KATNA1: variants seen among roughly 807,000 people sequenced by gnomAD.
KATNA1 encodes the protein katanin p60 ATPase-containing subunit A1.
Under a neutral mutation model 62.6 loss-of-function variants are expected in KATNA1, and 42 were observed. The ratio of observed to expected loss-of-function variants is 0.67; its 90% confidence interval spans 0.52 to 0.87. The LOEUF (loss-of-function observed/expected upper bound fraction) is 0.87. Among genes scored for constraint, KATNA1 ranks in the 40% least tolerant of loss-of-function variants. KATNA1 has a pLI of 0.00. For synonymous variants in KATNA1, 186 were observed against 201.9 expected (o/e 0.92, Z 0.67); for missense variants, 498 against 612.5 (o/e 0.81, Z 1.97).
intron 1 of KATNA1, among the ~76,000 whole-genome samples, chr6:149,644,669 A>T (rs1582816942): frequency 6.6e-6 from 1 of 152,112 alleles, no homozygotes; most frequent in Non-Finnish European, 1.5e-5. Flanking sequence ...TTAAGTTGTT[A>T]CTTATATATA....
At chr6:149,640,220 T>TAC (rs1780227695) in intron 1 of KATNA1, among the ~76,000 whole-genome samples, 2 of 152,158 alleles carry the variant, frequency 1.3e-5, no homozygotes, top group Admixed American at 1.3e-4. Flanking sequence ...TTTCTATATA[T>TAC]GAGAACCTAA....
In KATNA1 at chr6:149,603,373, C is replaced by T. The variant is rs1778622670; in HGVS notation, c.624G>A (p.Trp208Ter). The T allele has an allele frequency of 2.0e-6, 3 of 1,484,426 alleles. No homozygotes were observed. Among genetic ancestry groups the T allele is most frequent in the East Asian group, 4.6e-5 (2 of 43,744 alleles). The allele number at this position is 1,484,426 out of a possible 1,614,324, so 92.0% of individuals were successfully genotyped here. Residue 208 changes from tryptophan (W) to a stop codon, truncating the protein, a stop_gained and splice_region_variant, in exon 6 of 11, where the codon TGG becomes TGA. Coordinates refer to ENST00000367411, the MANE Select transcript of KATNA1 (RefSeq NM_007044.4). LOFTEE classifies it high-confidence loss of function. ...DIISQNPNVR[W>*]DDIADLVEAK... ...CTTCTACTAAATCAGCGATATCATCCCTGAAAGAGAAGACATTTTATTAAC... is the reference window on the plus strand; with the variant it reads ...CTTCTACTAAATCAGCGATATCATCTCTGAAAGAGAAGACATTTTATTAAC...
intron 7 of KATNA1, among the ~76,000 whole-genome samples, chr6:149,600,278 G>A (rs957254562): frequency 9.3e-5 from 14 of 150,902 alleles, no homozygotes; most frequent in African/African-American, 3.4e-4. Context: ...TAGGCAAGAG[G>A]AGTGTTAGGC....
At chr6:149,613,562 G>C (rs953303354) in intron 4 of KATNA1, among the ~76,000 whole-genome samples, 1 of 152,262 alleles carries the variant, frequency 6.6e-6, no homozygotes, top group African/African-American at 2.4e-5. Flanking sequence ...TATTGGGACA[G>C]GATCGTGGAA....
chr6:149,609,258 T>G (rs1218274491), intron 4 of KATNA1, among the ~76,000 whole-genome samples: 1 of 151,792 alleles, frequency 6.6e-6, no homozygotes, highest in East Asian at 1.9e-4. Flanking sequence ...CAGAAAAAAT[T>G]GAAAGCAATG....
chr6:149,632,381 A>AAG lies in KATNA1; in HGVS notation c.320+377_320+378insCT, dbSNP rs1345600029. On this transcript the variant is annotated intron_variant, in intron 3 of 10. Coordinates refer to ENST00000367411, the MANE Select transcript of KATNA1 (RefSeq NM_007044.4). ...AGAGTGAGACTCTGTCTAAAAAAAAAAAAAAGAAAAAAAAGAAAAATCTGA... is the reference window on the plus strand; with the variant it reads ...AGAGTGAGACTCTGTCTAAAAAAAAAAGAAAAAGAAAAAAAAGAAAAATCTGA... Among the ~76,000 whole-genome samples the AAG allele has an allele frequency of 2.2e-4, 33 of 151,806 alleles. No individual in the cohort carries two copies. In the East Asian group the frequency reaches 6.4e-3, roughly 30 times the overall value.
chr6:149,634,457 A>T (rs928111814), intron 2 of KATNA1, among the ~76,000 whole-genome samples: 4 of 151,720 alleles, frequency 2.6e-5, no homozygotes, highest in African/African-American at 9.7e-5. Flanking sequence ...CCCAAGGGGG[A>T]AAAAAAACCA....
intron 1 of KATNA1, among the ~76,000 whole-genome samples, chr6:149,642,445 T>C (rs1052596829): frequency 9.9e-5 from 15 of 152,274 alleles, no homozygotes; most frequent in African/African-American, 3.1e-4. Flanking sequence ...TGTGTAAATC[T>C]TCCAGAGAAA....
At chr6:149,645,171 G>A (rs957778257) in intron 1 of KATNA1, among the ~76,000 whole-genome samples, 3 of 152,268 alleles carry the variant, frequency 2.0e-5, no homozygotes, top group Non-Finnish European at 4.4e-5. Flanking sequence ...AGCTGGCCGC[G>A]CGCAGTGGCT....
intron 4 of KATNA1, among the ~76,000 whole-genome samples, chr6:149,618,484 A>T (rs1445976881): frequency 2.0e-5 from 3 of 152,140 alleles, no homozygotes; most frequent in Non-Finnish European, 2.9e-5. Context: ...TCTCAAAAAA[A>T]AAATAAAAAA....
intron 4 of KATNA1, among the ~76,000 whole-genome samples, chr6:149,613,496 C>A (rs1046195569): frequency 2.0e-5 from 3 of 152,040 alleles, no homozygotes; most frequent in African/African-American, 7.2e-5. Flanking sequence ...CTAGAATGAA[C>A]AATTCTAGCA....
intron 4 of KATNA1, among the ~76,000 whole-genome samples, chr6:149,608,491 C>G (rs939582173): frequency 6.6e-6 from 1 of 152,136 alleles, no homozygotes; most frequent in Non-Finnish European, 1.5e-5. Context: ...CAGTAACACT[C>G]TACTCCAGTC....
At chr6:149,623,348 G>T in intron 3 of KATNA1, 65 bp from the exon 4 acceptor site, 1 of 1,203,352 alleles carries the variant, frequency 8.3e-7, no homozygotes, top group Non-Finnish European at 1.1e-6. Context: ...CACATACTGT[G>T]TAAGTTAAGA....
intron 2 of KATNA1, among the ~76,000 whole-genome samples, chr6:149,634,892 A>T (rs943217073): frequency 2.0e-5 from 3 of 152,114 alleles, no homozygotes; most frequent in African/African-American, 7.2e-5. Flanking sequence ...CCTACAGACT[A>T]AAATAGGTCT....
rs916464818 is a variant in KATNA1, at chr6:149,635,891, C to G, written c.162+2495G>C. On this transcript the variant is annotated intron_variant, in intron 2 of 10. Transcript: ENST00000367411. ...GCTACATGGTGAAACCCCGTCTCTA[C>G]TAAAAATACAAAAATTAGCTGGGTG... Among the ~76,000 whole-genome samples the G allele has an allele frequency of 2.0e-5, 3 of 150,304 alleles. No homozygotes were observed. In the South Asian group the frequency reaches 6.3e-4, roughly 31 times the overall value.
At chr6:149,623,798 G>A (rs1779502764) in intron 3 of KATNA1, among the ~76,000 whole-genome samples, 1 of 152,016 alleles carries the variant, frequency 6.6e-6, no homozygotes, top group South Asian at 2.1e-4. Flanking sequence ...TTAATTAAAG[G>A]AATGCAGTAT....
chr6:149,597,341 A>T, intron 9 of KATNA1, 152 bp from the exon 10 acceptor site: 1 of 1,199,848 alleles, frequency 8.3e-7, no homozygotes, highest in Non-Finnish European at 1.2e-6. Flanking sequence ...TTTACTTTTT[A>T]ATTCCTTACT....
chr6:149,647,162 A>C (rs1467590332), intron 1 of KATNA1, among the ~76,000 whole-genome samples: 1 of 151,840 alleles, frequency 6.6e-6, no homozygotes, highest in Non-Finnish European at 1.5e-5. Flanking sequence ...TTTTTTTTAA[A>C]GGTATTTACA....
At chr6:149,628,270 T>A (rs1779695819) in intron 3 of KATNA1, among the ~76,000 whole-genome samples, 1 of 149,842 alleles carries the variant, frequency 6.7e-6, no homozygotes, top group Non-Finnish European at 1.5e-5. Flanking sequence ...GCTAATTTTT[T>A]TTTTTTTTTT....
Sources: allele counts gnomAD v4.1 joint callset (sites outside exome capture counted in the v4.1 genomes callset), GRCh38; gene constraint gnomAD v4.1.1; transcripts MANE v1.5; gene names NCBI Gene and HGNC (gene_info 2026-07-23, HGNC 2026-07-21).